Variants in MEIKIN observed in about 807,000 individuals in gnomAD.
MEIKIN encodes meiotic kinetochore factor, also known as meiosis-specific kinetochore protein.
At position 131,842,127 on chromosome 5, in the gene MEIKIN, C is replaced by CAAAAAA. The variant is rs1432520221; in HGVS notation, c.975+9136_975+9137insTTTTTT. On this transcript the variant is annotated intron_variant, in intron 11 of 12. Transcript: ENST00000442687. ...GACTACAGGTGCATGCCATCACGCC[C>CAAAAAA]AACTAATTTTTGTATTTTTAGTAGA... Among the ~76,000 whole-genome samples the CAAAAAA allele has an allele frequency of 2.6e-5, 4 of 151,996 alleles. No individual in the cohort carries two copies. In the East Asian group the frequency reaches 5.8e-4, roughly 22 times the overall value.
chr5:131,937,814 T>C (rs575418519), intron 4 of MEIKIN, among the ~76,000 whole-genome samples: 20 of 152,314 alleles, frequency 1.3e-4, no homozygotes, highest in African/African-American at 4.3e-4. Context: ...AATAAATTTC[T>C]CTATCCTGAG....
At chr5:131,829,853 C>T (rs1439523301) in intron 11 of MEIKIN, among the ~76,000 whole-genome samples, 2 of 152,182 alleles carry the variant, frequency 1.3e-5, no homozygotes, top group Non-Finnish European at 2.9e-5. Flanking sequence ...AGTGCCTCCC[C>T]TAATGGCTGT....
intron 8 of MEIKIN, among the ~76,000 whole-genome samples, chr5:131,905,492 G>C (rs1250303939): frequency 6.6e-6 from 1 of 151,928 alleles, no homozygotes; most frequent in East Asian, 1.9e-4. Flanking sequence ...AAACATCAAT[G>C]AATCAGGGGC....
At chr5:131,880,734 G>T (rs1500115) in intron 8 of MEIKIN, among the ~76,000 whole-genome samples, 119,129 of 152,128 alleles carry the variant, frequency 0.78, 46,887 homozygotes, top group Middle Eastern at 0.83. Flanking sequence ...GCTCCTTAAT[G>T]TACCATTACA....
chr5:131,888,538 C>T (rs1287565885), intron 8 of MEIKIN, among the ~76,000 whole-genome samples: 1 of 152,138 alleles, frequency 6.6e-6, no homozygotes. Context: ...ATATCCTTCG[C>T]CCACTTTTTG....
intron 8 of MEIKIN, among the ~76,000 whole-genome samples, chr5:131,887,057 C>T (rs1435621165): frequency 6.6e-6 from 1 of 150,810 alleles, no homozygotes; most frequent in Non-Finnish European, 1.5e-5. Context: ...GTTCAATTCC[C>T]ACCTATAGGT....
At chr5:131,929,537 A>G (rs1006980914) in intron 5 of MEIKIN, among the ~76,000 whole-genome samples, 1 of 151,728 alleles carries the variant, frequency 6.6e-6, no homozygotes, top group Non-Finnish European at 1.5e-5. Flanking sequence ...TTTTTCTTCC[A>G]ATTTTTATTT....
intron 11 of MEIKIN, among the ~76,000 whole-genome samples, chr5:131,835,595 C>CT (rs530602371): frequency 3.9e-4 from 59 of 151,454 alleles, no homozygotes; most frequent in Middle Eastern, 3.4e-3. Flanking sequence ...ATATATCTGT[C>CT]TTTTTTTTTG....
intron 8 of MEIKIN, among the ~76,000 whole-genome samples, chr5:131,885,540 T>G (rs536575743): frequency 6.6e-6 from 1 of 152,206 alleles, no homozygotes; most frequent in East Asian, 1.9e-4. Context: ...GGTACCTCCA[T>G]AAGTCTGCAA....
At chr5:131,923,021 A>G (rs1043480050) in intron 5 of MEIKIN, among the ~76,000 whole-genome samples, 1 of 152,100 alleles carries the variant, frequency 6.6e-6, no homozygotes, top group African/African-American at 2.4e-5. Flanking sequence ...ACTCCTGAGT[A>G]GCTGGGATTA....
At chr5:131,870,317 C>T (rs1358794716) in intron 9 of MEIKIN, among the ~76,000 whole-genome samples, 2 of 152,080 alleles carry the variant, frequency 1.3e-5, no homozygotes, top group African/African-American at 2.4e-5. Flanking sequence ...TGACCATTTC[C>T]CCTTTTCTGG....
chr5:131,900,231 CGCTGAGG>C (rs1407848610), intron 8 of MEIKIN, among the ~76,000 whole-genome samples: 1 of 152,182 alleles, frequency 6.6e-6, no homozygotes. Flanking sequence ...GAACATCTGT[CGCTGAGG>C]GAATGGGACA....
At position 131,859,498 on chromosome 5, in the gene MEIKIN, A is replaced by G. The variant is rs867963494; in HGVS notation, c.775-4664T>C. Among the ~76,000 whole-genome samples, 5 of 152,048 alleles carry G rather than the reference A, an allele frequency of 3.3e-5. No homozygotes were observed. The South Asian group carries it at 6.2e-4, about 19-fold the overall frequency. ...AGTTCTTACAAGATCTGGTTGTTTAAAAGTATAGCATCTCTCCCACCCTTT... is the reference window on the plus strand; with the variant it reads ...AGTTCTTACAAGATCTGGTTGTTTAGAAGTATAGCATCTCTCCCACCCTTT... On this transcript the variant is annotated intron_variant, in intron 9 of 12. Transcript: ENST00000442687.
intron 6 of MEIKIN, among the ~76,000 whole-genome samples, chr5:131,917,942 T>C (rs1191468133): frequency 6.6e-6 from 1 of 152,164 alleles, no homozygotes; most frequent in Non-Finnish European, 1.5e-5. Flanking sequence ...CCTCATTTTT[T>C]TTCCCCCGAG....
intron 9 of MEIKIN, among the ~76,000 whole-genome samples, chr5:131,877,186 A>C (rs1750630128): frequency 6.6e-6 from 1 of 152,176 alleles, no homozygotes; most frequent in African/African-American, 2.4e-5. Flanking sequence ...TATGTAATAA[A>C]AAGTTGAATT....
chr5:131,899,735 T>C (rs935324562), intron 8 of MEIKIN, among the ~76,000 whole-genome samples: 1 of 152,166 alleles, frequency 6.6e-6, no homozygotes, highest in African/African-American at 2.4e-5. Flanking sequence ...AGGTTATATA[T>C]AATGATAAAG....
At chr5:131,833,922 G>A (rs990662262) in intron 11 of MEIKIN, among the ~76,000 whole-genome samples, 5 of 152,156 alleles carry the variant, frequency 3.3e-5, no homozygotes, top group African/African-American at 1.2e-4. Context: ...TTTCTACACA[G>A]ATATTCTCAG....
intron 8 of MEIKIN, among the ~76,000 whole-genome samples, chr5:131,888,437 G>A (rs1204008674): frequency 1.3e-5 from 2 of 152,058 alleles, no homozygotes; most frequent in Admixed American, 6.6e-5. Context: ...TTGTGGTTTC[G>A]ATTTGCATTT....
chr5:131,921,612 A>AGAG (rs1445407363), intron 6 of MEIKIN, among the ~76,000 whole-genome samples: 1 of 150,878 alleles, frequency 6.6e-6, no homozygotes, highest in East Asian at 2.0e-4. Context: ...AGCCTAAATC[A>AGAG]TGCCACCGCA....
Sources: gnomAD v4.1 joint callset for allele counts (sites outside exome capture counted in the v4.1 genomes callset) on GRCh38, gnomAD v4.1.1 for gene constraint, MANE v1.5 for transcripts, NCBI Gene and HGNC (gene_info 2026-07-23, HGNC 2026-07-21) for gene names.